Variants in CADM1 observed in about 807,000 individuals in gnomAD.
The protein encoded by CADM1 is cell adhesion molecule 1.
In CADM1, 15 loss-of-function variants were observed where a neutral mutation model predicts 53.1. The ratio of observed to expected loss-of-function variants is 0.28; its 90% confidence interval spans 0.19 to 0.44. The LOEUF is 0.44. Ranked by LOEUF, CADM1 falls within the 20% of genes least tolerant of loss-of-function variation. CADM1 has a pLI of 1.00. For synonymous variants in CADM1, 281 were observed against 243.0 expected, an observed-to-expected ratio of 1.16 and a Z score of -1.45; for missense variants, 434 against 611.3, an observed-to-expected ratio of 0.71 and a Z score of 3.06.
At chr11:115,382,805 T>A (rs1470228399) in intron 1 of CADM1, among the ~76,000 whole-genome samples, 1 of 152,190 alleles carries the variant, frequency 6.6e-6, no homozygotes, top group African/African-American at 2.4e-5. Flanking sequence ...GAACGCTAAA[T>A]AGTTTTAGAC....
chr11:115,225,697 G>A (rs1941580233), intron 5 of CADM1, among the ~76,000 whole-genome samples: 1 of 152,130 alleles, frequency 6.6e-6, no homozygotes, highest in Non-Finnish European at 1.5e-5. Context: ...TAAGGACAGA[G>A]GTGCAACACT....
rs370563783 is a variant in CADM1 at position 115,211,634 on chromosome 11, C to G, written c.995-1977G>C. ...AGCTGGGACTACAGGCATGCGCCAC[C>G]ACACCCAGCTAATTTTTGTATTTTT... On this transcript the variant is annotated intron_variant, in intron 7 of 11. Coordinates refer to ENST00000331581, the MANE Select transcript of CADM1 (RefSeq NM_001301043.2). 4.0e-4 allele frequency among the ~76,000 whole-genome samples: 60 copies of G among 151,008 alleles called. No homozygotes were observed. The East Asian group carries it at 9.7e-3, about 24-fold the overall frequency.
chr11:115,277,152 A>G (rs957903620), intron 1 of CADM1, among the ~76,000 whole-genome samples: 1 of 152,224 alleles, frequency 6.6e-6, no homozygotes, highest in Non-Finnish European at 1.5e-5. Context: ...AAAGTAAGCC[A>G]TAGCAACATC....
At chr11:115,271,940 G>A (rs937014688) in intron 1 of CADM1, among the ~76,000 whole-genome samples, 1 of 152,140 alleles carries the variant, frequency 6.6e-6, no homozygotes, top group Non-Finnish European at 1.5e-5. Flanking sequence ...ACCTGTCCCA[G>A]ACTAAAAGCA....
rs1180398315 is a variant in CADM1, at chr11:115,496,212, C to G, written c.124+8059G>C. Among the ~76,000 whole-genome samples the G allele has an allele frequency of 2.6e-5, 4 of 152,000 alleles. No homozygotes were observed. The East Asian group carries it at 7.7e-4, about 29-fold the overall frequency. On this transcript the variant is annotated intron_variant, in intron 1 of 11. Coordinates refer to ENST00000331581, the MANE Select transcript of CADM1 (RefSeq NM_001301043.2). ...ATAATCATGTATAAACCTGTGAAGT[C>G]AAGAAAGAAACTTGTGGGTTGAGGT...
At chr11:115,402,317 G>A (rs1399182923) in intron 1 of CADM1, among the ~76,000 whole-genome samples, 3 of 152,146 alleles carry the variant, frequency 2.0e-5, no homozygotes, top group Admixed American at 1.3e-4. Context: ...GAGGTCTGGA[G>A]GTCGAGACCA....
chr11:115,301,896 CTG>C (rs1396670559), intron 1 of CADM1, among the ~76,000 whole-genome samples: 12 of 152,040 alleles, frequency 7.9e-5, no homozygotes, highest in African/African-American at 2.7e-4. Context: ...CAGAATTGTT[CTG>C]TGTCTTGAGA....
chr11:115,237,896 G>A lies in CADM1; in HGVS notation c.424+604C>T, dbSNP rs143183860. Among the ~76,000 whole-genome samples the A allele has an allele frequency of 1.1e-4, 17 of 152,304 alleles. No homozygotes were observed. The East Asian group carries it at 2.7e-3, about 24-fold the overall frequency. Reference sequence around the variant, plus strand: ...TCACTGGAGGTGTACCTAGCAGCCCGTCAACAGTTCTTTGCTTATTACCAG... The same window carrying A: ...TCACTGGAGGTGTACCTAGCAGCCCATCAACAGTTCTTTGCTTATTACCAG... On this transcript the variant is annotated intron_variant, in intron 3 of 11. Coordinates refer to ENST00000331581, the MANE Select transcript of CADM1 (RefSeq NM_001301043.2).
intron 1 of CADM1, among the ~76,000 whole-genome samples, chr11:115,490,431 C>T (rs1169756033): frequency 4.6e-5 from 6 of 129,852 alleles, no homozygotes; most frequent in Admixed American, 2.8e-4. Context: ...CAGAGTCTTG[C>T]TCTGTCGCCC....
At chr11:115,282,653 G>C (rs1943619166) in intron 1 of CADM1, among the ~76,000 whole-genome samples, 1 of 152,186 alleles carries the variant, frequency 6.6e-6, no homozygotes, top group Non-Finnish European at 1.5e-5. Context: ...CTAGGGTGTT[G>C]TTAGAGGAGA....
intron 1 of CADM1, among the ~76,000 whole-genome samples, chr11:115,321,770 A>G (rs1045177918): frequency 3.3e-5 from 5 of 152,150 alleles, no homozygotes; most frequent in Non-Finnish European, 7.4e-5. Context: ...ATTTTGCAAC[A>G]GTGGCGTGAT....
chr11:115,478,563 T>C (rs1337008972), intron 1 of CADM1, among the ~76,000 whole-genome samples: 1 of 151,588 alleles, frequency 6.6e-6, no homozygotes, highest in East Asian at 1.9e-4. Context: ...TACAGCTTTG[T>C]ATCTTCTCTC....
intron 1 of CADM1, among the ~76,000 whole-genome samples, chr11:115,341,075 C>A (rs554578509): frequency 6.6e-6 from 1 of 152,160 alleles, no homozygotes; most frequent in African/African-American, 2.4e-5. Context: ...ATGACATCGT[C>A]GCATTCTAAA....
At chr11:115,247,336 C>T (rs1942440168) in intron 1 of CADM1, among the ~76,000 whole-genome samples, 1 of 152,148 alleles carries the variant, frequency 6.6e-6, no homozygotes, top group South Asian at 2.1e-4. Context: ...CTCCTTGACA[C>T]CAATTAAGGT....
intron 1 of CADM1, among the ~76,000 whole-genome samples, chr11:115,355,989 C>T (rs1042628064): frequency 1.3e-5 from 2 of 152,032 alleles, no homozygotes; most frequent in Non-Finnish European, 2.9e-5. Context: ...TGTGCCACCA[C>T]GCCCAGCTAA....
intron 1 of CADM1, among the ~76,000 whole-genome samples, chr11:115,408,049 A>G (rs1444436259): frequency 2.0e-5 from 3 of 152,032 alleles, no homozygotes; most frequent in Non-Finnish European, 4.4e-5. Context: ...ATTTGCCTGT[A>G]GGCTCAGAAA....
Position 115,231,363 on chromosome 11 carries a change from T to C in CADM1, c.552A>G (p.Thr184=). ...CAATCTGCAGCTTACCTTTTAGCTC[T>C]GTGTTCCCTTTGAACCACCTGATAG... ...ATTIRWFKGN[T]ELKGKSEVEE... The change falls in exon 4 of 12, where the codon ACA becomes ACG. Residue 184 remains threonine (T), a synonymous_variant. Coordinates refer to ENST00000331581, the MANE Select transcript of CADM1 (RefSeq NM_001301043.2). 1 of 1,614,212 alleles carries C rather than the reference T, an allele frequency of 6.2e-7. No homozygotes were observed. The highest frequency in any genetic ancestry group is 8.5e-7 in the Non-Finnish European group (1 of 1,180,008).
intron 1 of CADM1, among the ~76,000 whole-genome samples, chr11:115,447,371 C>G (rs1948473559): frequency 6.6e-6 from 1 of 152,068 alleles, no homozygotes; most frequent in African/African-American, 2.4e-5. Context: ...GATATATAAT[C>G]CCATTTCACT....
intron 1 of CADM1, among the ~76,000 whole-genome samples, chr11:115,301,246 G>T (rs1252808300): frequency 1.3e-5 from 2 of 152,060 alleles, no homozygotes; most frequent in African/African-American, 4.8e-5. Flanking sequence ...TCAAAAGAGG[G>T]ATAGGATAGT....
Sources: gnomAD v4.1 joint callset for allele counts (sites outside exome capture counted in the v4.1 genomes callset) on GRCh38, gnomAD v4.1.1 for gene constraint, MANE v1.5 for transcripts, NCBI Gene and HGNC (gene_info 2026-07-23, HGNC 2026-07-21) for gene names.